The following RALYL variants were observed in gnomAD, a reference collection of about 807,000 sequenced individuals.
RALYL encodes RNA-binding Raly-like protein.
Under a neutral mutation model 35.1 loss-of-function variants are expected in RALYL, and 29 were observed. The ratio of observed to expected loss-of-function variants is 0.83; its 90% CI spans 0.61 to 1.13. The LOEUF (loss-of-function observed/expected upper bound fraction) is 1.13. RALYL is among the 50% of genes most tolerant of loss of function. RALYL has a pLI of 0.00. For synonymous variants in RALYL, 120 were observed against 127.6 expected, an observed-to-expected ratio of 0.94 and a Z score of 0.40; for missense variants, 359 against 360.4, an observed-to-expected ratio of 1.00 and a Z score of 0.03.
chr8:84,661,211 A>G (rs1310446511), intron 2 of RALYL, among the ~76,000 whole-genome samples: 1 of 152,106 alleles, frequency 6.6e-6, no homozygotes, highest in Non-Finnish European at 1.5e-5. Flanking sequence ...TACAGACAAG[A>G]GCCACCGTGC....
chr8:84,842,033 C>A (rs942861709), intron 4 of RALYL, among the ~76,000 whole-genome samples: 2 of 152,174 alleles, frequency 1.3e-5, no homozygotes, highest in African/African-American at 4.8e-5. Flanking sequence ...CTAAAATTGA[C>A]ACCCTAACAT....
intron 2 of RALYL, among the ~76,000 whole-genome samples, chr8:84,690,230 C>G (rs190901012): frequency 6.6e-6 from 1 of 152,114 alleles, no homozygotes; most frequent in East Asian, 1.9e-4. Context: ...CTTTTATAAC[C>G]ACATGGATGT....
At chr8:84,912,093 G>A (rs111364714) in intron 8 of RALYL, among the ~76,000 whole-genome samples, 3,268 of 152,146 alleles carry the variant, frequency 0.021, 121 homozygotes, top group African/African-American at 0.074. Flanking sequence ...AAACCCTCTA[G>A]TCATTCAGTC....
chr8:84,298,189 C>A (rs1840120465), intron 1 of RALYL, among the ~76,000 whole-genome samples: 5 of 151,836 alleles, frequency 3.3e-5, no homozygotes, highest in Admixed American at 3.3e-4. Flanking sequence ...AGCCTTTAAT[C>A]CATCTTGAGT....
chr8:84,819,265 T>G (rs1485419823), intron 4 of RALYL, among the ~76,000 whole-genome samples: 3 of 152,174 alleles, frequency 2.0e-5, no homozygotes, highest in Non-Finnish European at 4.4e-5. Context: ...ACAGCGCTAT[T>G]TTTGTAATCT....
chr8:84,672,252 G>C (rs1473288541), intron 2 of RALYL, among the ~76,000 whole-genome samples: 2 of 152,090 alleles, frequency 1.3e-5, no homozygotes, highest in East Asian at 3.9e-4. Context: ...CTCCATCAGA[G>C]ACCACCTCAG....
chr8:84,522,425 A>G (rs1354644602), intron 1 of RALYL, among the ~76,000 whole-genome samples: 1 of 151,344 alleles, frequency 6.6e-6, no homozygotes, highest in East Asian at 1.9e-4. Flanking sequence ...AATTTTTTGT[A>G]TTTTTAGTAG....
At chr8:84,732,683 T>TCTATATATATATATATATACACACACAC (rs1846431672) in intron 2 of RALYL, among the ~76,000 whole-genome samples, 1 of 133,234 alleles carries the variant, frequency 7.5e-6, no homozygotes, top group African/African-American at 3.0e-5. Flanking sequence ...TATATATATA[T>TCTATATATATATATATATACACACACAC]ACACACACAC....
chr8:84,297,848 T>C (rs1840053278), intron 1 of RALYL, among the ~76,000 whole-genome samples: 1 of 152,138 alleles, frequency 6.6e-6, no homozygotes, highest in Non-Finnish European at 1.5e-5. Context: ...ATGTCTTCTT[T>C]TAAGAAGTGA....
At chr8:84,657,035 CATGAGT>C (rs975967156) in intron 2 of RALYL, among the ~76,000 whole-genome samples, 2 of 152,134 alleles carry the variant, frequency 1.3e-5, no homozygotes, top group African/African-American at 4.8e-5. Context: ...GCCCACATTA[CATGAGT>C]ATAAGAAATT....
At chr8:84,423,086 T>G (rs1428032406) in intron 1 of RALYL, among the ~76,000 whole-genome samples, 11 of 150,544 alleles carry the variant, frequency 7.3e-5, no homozygotes, top group African/African-American at 2.4e-4. Flanking sequence ...AGAGCTGAGT[T>G]CAATTCCTGG....
At chr8:84,565,574 C>T (rs1054107841) in intron 2 of RALYL, among the ~76,000 whole-genome samples, 91 of 151,314 alleles carry the variant, frequency 6.0e-4, no homozygotes, top group African/African-American at 2.0e-3. Context: ...ATAGTCTATC[C>T]TAGAATTTTT....
chr8:84,305,375 C>T (rs959817529), intron 1 of RALYL, among the ~76,000 whole-genome samples: 4 of 152,012 alleles, frequency 2.6e-5, no homozygotes, highest in African/African-American at 9.7e-5. Context: ...TGCTCATTTA[C>T]ATAAAATAAG....
In RALYL at chr8:84,486,077, T is replaced by C. The variant is rs73292049; in HGVS notation, c.-23-43222T>C. 3.9e-3 allele frequency among the ~76,000 whole-genome samples: 576 copies of C among 148,870 alleles called. 4 individuals carry two copies. Among genetic ancestry groups the C allele is most frequent in the African/African-American group, 0.014 (549 of 40,464 alleles). On this transcript the variant is annotated intron_variant, in intron 1 of 8. Coordinates refer to ENST00000521268, the MANE Select transcript of RALYL (RefSeq NM_173848.7). ...CAGTAGCCTACAAGGCTCCACATGG[T>C]ATGATTCCCCAACTTTCTTTTTATA...
At chr8:84,466,908 A>T (rs1231752852) in intron 1 of RALYL, among the ~76,000 whole-genome samples, 1 of 151,620 alleles carries the variant, frequency 6.6e-6, no homozygotes, top group Non-Finnish European at 1.5e-5. Flanking sequence ...CATTTCTTCT[A>T]GATTTTCTAG....
At chr8:84,727,240 T>C (rs1198848240) in intron 2 of RALYL, among the ~76,000 whole-genome samples, 2 of 151,334 alleles carry the variant, frequency 1.3e-5, no homozygotes, top group African/African-American at 2.4e-5. Context: ...TCTCTTAAGA[T>C]GTATGAGACA....
intron 2 of RALYL, among the ~76,000 whole-genome samples, chr8:84,643,473 A>G (rs1248155932): frequency 6.6e-6 from 1 of 152,088 alleles, no homozygotes; most frequent in Non-Finnish European, 1.5e-5. Flanking sequence ...AAGAGGATCC[A>G]CAAGACAAAA....
At chr8:84,475,067 C>G (rs540646953) in intron 1 of RALYL, among the ~76,000 whole-genome samples, 4 of 152,020 alleles carry the variant, frequency 2.6e-5, no homozygotes, top group South Asian at 4.1e-4. Flanking sequence ...CCCAGCCCCC[C>G]ACCCAGTGAC....
chr8:84,537,711 C>T (rs1225774285), intron 2 of RALYL, among the ~76,000 whole-genome samples: 1 of 152,068 alleles, frequency 6.6e-6, no homozygotes, highest in East Asian at 1.9e-4. Flanking sequence ...TCAAGGTACA[C>T]TTCATTACAT....
Sources: gnomAD v4.1 joint callset for allele counts (sites outside exome capture counted in the v4.1 genomes callset) on GRCh38, gnomAD v4.1.1 for gene constraint, MANE v1.5 for transcripts, NCBI Gene and HGNC (gene_info 2026-07-23, HGNC 2026-07-21) for gene names.